The following SIPA1L3 variants were observed in gnomAD, a reference collection of about 807,000 sequenced individuals.
SIPA1L3 encodes the protein signal-induced proliferation-associated 1-like protein 3.
A neutral mutation model predicts 150.1 loss-of-function variants in SIPA1L3; 59 were observed. The ratio of observed to expected loss-of-function variants is 0.39; its 90% CI spans 0.32 to 0.49. SIPA1L3 has a LOEUF of 0.49. SIPA1L3 is among the 20% of genes least tolerant of loss of function. The pLI is 0.86. For synonymous variants in SIPA1L3, 1,070 were observed against 1,077.6 expected (o/e 0.99, Z 0.14); for missense variants, 2,211 against 2,489.5 (o/e 0.89, Z 2.38).
At position 38,081,955 on chromosome 19, in the gene SIPA1L3, G is replaced by A. The variant is rs988548393; in HGVS notation, c.390G>A (p.Pro130=). 1.1e-5 allele frequency: 17 copies of A among 1,614,070 alleles called. No individual in the cohort carries two copies. Among genetic ancestry groups the A allele is most frequent in the Non-Finnish European group, 1.4e-5 (16 of 1,179,948 alleles). ...ACGGACAGCCCCCCACCAGCACCCC[G>A]GCTTCCTCAGGGTCCAAAGCCTTCC... is the stretch of plus-strand genomic sequence containing the variant. ...IQNGQPPTST[P]ASSGSKAFHR... is the part of the protein sequence containing the mutation. The change falls in exon 3 of 22, where the codon CCG becomes CCA. Residue 130 remains proline (P), a synonymous_variant. Coordinates refer to ENST00000222345, the MANE Select transcript of SIPA1L3 (RefSeq NM_015073.3).
Position 38,004,730 on chromosome 19 carries a change from C to T in SIPA1L3, c.-378-24359C>T, listed in dbSNP as rs149829237. 2.2e-3 allele frequency among the ~76,000 whole-genome samples: 341 copies of T among 152,290 alleles called. 1 individual carries two copies. The highest frequency in any genetic ancestry group is 8.5e-3 in the South Asian group (41 of 4,828). ...AATAAGAGGGGTGAGCTCACACTAGCAGGCTGGTTGCAAAACCTGCCATAG... is the reference window on the plus strand; with the variant it reads ...AATAAGAGGGGTGAGCTCACACTAGTAGGCTGGTTGCAAAACCTGCCATAG... On this transcript the variant is annotated intron_variant, in intron 1 of 21. Transcript: ENST00000222345.
At chr19:37,979,386 T>G (rs1465480320) in intron 1 of SIPA1L3, among the ~76,000 whole-genome samples, 1 of 139,704 alleles carries the variant, frequency 7.2e-6, no homozygotes, top group Non-Finnish European at 1.6e-5. Context: ...CTATCTCTAC[T>G]AAAAAAAAAA....
intron 1 of SIPA1L3, among the ~76,000 whole-genome samples, chr19:38,023,623 G>A (rs77359770): frequency 0.016 from 2,484 of 152,298 alleles, 59 homozygotes; most frequent in African/African-American, 0.053. Flanking sequence ...CACTTTATTA[G>A]TAGTTGAGTA....
intron 2 of SIPA1L3, among the ~76,000 whole-genome samples, chr19:38,053,190 A>G (rs1969237310): frequency 6.6e-6 from 1 of 152,222 alleles, no homozygotes; most frequent in Non-Finnish European, 1.5e-5. Flanking sequence ...CAAACAGGGA[A>G]GCTCAACACC....
chr19:38,202,170 T>G (rs1568609702), intron 20 of SIPA1L3, among the ~76,000 whole-genome samples, 173 bp downstream of exon 20: 2 of 152,230 alleles, frequency 1.3e-5, no homozygotes, highest in African/African-American at 2.4e-5. Flanking sequence ...ACACTGCACC[T>G]GTCTGTGCAC....
At chr19:38,053,265 G>A (rs1969239204) in intron 2 of SIPA1L3, among the ~76,000 whole-genome samples, 1 of 152,248 alleles carries the variant, frequency 6.6e-6, no homozygotes, top group South Asian at 2.1e-4. Flanking sequence ...CAGAAGCGAC[G>A]TGATTGCTAA....
chr19:37,908,645 T>C (rs62112276), intron 1 of SIPA1L3, among the ~76,000 whole-genome samples: 144 of 152,242 alleles, frequency 9.5e-4, no homozygotes, highest in Non-Finnish European at 1.7e-3. Context: ...CCTTTTTGCT[T>C]CTGTTTGTAC....
At chr19:38,201,154 G>A (rs899984052) in intron 19 of SIPA1L3, among the ~76,000 whole-genome samples, 2 of 152,196 alleles carry the variant, frequency 1.3e-5, no homozygotes, top group African/African-American at 4.8e-5. Context: ...CACCTCCGAG[G>A]ATTCCATTGT....
intron 15 of SIPA1L3, among the ~76,000 whole-genome samples, chr19:38,180,524 CTTT>C (rs1600178431): frequency 7.7e-6 from 1 of 129,102 alleles, no homozygotes; most frequent in East Asian, 2.3e-4. Flanking sequence ...TAGCATTTTT[CTTT>C]TTTTCTTTTC....
intron 1 of SIPA1L3, among the ~76,000 whole-genome samples, chr19:37,911,308 A>G (rs1484912877): frequency 6.6e-6 from 1 of 151,744 alleles, no homozygotes. Flanking sequence ...CCATTCCCCA[A>G]AAAAGGAGGG....
chr19:38,112,295 T>C (rs564517779), intron 8 of SIPA1L3, among the ~76,000 whole-genome samples: 1 of 150,736 alleles, frequency 6.6e-6, no homozygotes, highest in Non-Finnish European at 1.5e-5. Context: ...TATGCACACA[T>C]ACATGCACAC....
At chr19:37,975,510 A>G (rs1391430452) in intron 1 of SIPA1L3, among the ~76,000 whole-genome samples, 1 of 152,152 alleles carries the variant, frequency 6.6e-6, no homozygotes, top group Non-Finnish European at 1.5e-5. Flanking sequence ...CCCCATCTGT[A>G]AGATGGGAGT....
intron 2 of SIPA1L3, among the ~76,000 whole-genome samples, chr19:38,065,299 TAGAG>T (rs1969547013): frequency 6.6e-6 from 1 of 151,976 alleles, no homozygotes; most frequent in African/African-American, 2.4e-5. Context: ...GGCCCTCAAG[TAGAG>T]AGCTCTAACT....
At chr19:37,963,873 A>G (rs897097375) in intron 1 of SIPA1L3, 7 of 152,202 alleles carry the variant, frequency 4.6e-5, no homozygotes, top group Non-Finnish European at 7.3e-5. Context: ...AACTTTAAAT[A>G]TGTAGCTCTA....
intron 15 of SIPA1L3, among the ~76,000 whole-genome samples, chr19:38,175,937 G>C (rs529760862): frequency 6.6e-6 from 1 of 152,174 alleles, no homozygotes. Context: ...GCTGGGCGCT[G>C]TGGCTCACGC....
chr19:38,066,469 T>TGG (rs1218375939), intron 2 of SIPA1L3, among the ~76,000 whole-genome samples: 1 of 152,218 alleles, frequency 6.6e-6, no homozygotes, highest in Non-Finnish European at 1.5e-5. Context: ...GTACCTTTCT[T>TGG]GACGTAGACT....
At chr19:38,057,041 G>A (rs971566322) in intron 2 of SIPA1L3, among the ~76,000 whole-genome samples, 21 of 152,078 alleles carry the variant, frequency 1.4e-4, no homozygotes, top group African/African-American at 4.3e-4. Context: ...GGAAGCCGAG[G>A]TGGTGGATCA....
intron 1 of SIPA1L3, among the ~76,000 whole-genome samples, chr19:37,999,206 G>A (rs1031905896): frequency 4.6e-5 from 7 of 152,228 alleles, no homozygotes; most frequent in Non-Finnish European, 8.8e-5. Context: ...TCAGGCCAAA[G>A]CATCAATTTC....
chr19:37,928,958 T>C lies in SIPA1L3; in HGVS notation c.-379+21600T>C, dbSNP rs565715298. ...CTCCTGTGTCCCTAGGCTCCCTGCATGGCCACAAGATGACTGCCAAGGCTC... is the reference window on the plus strand; with the variant it reads ...CTCCTGTGTCCCTAGGCTCCCTGCACGGCCACAAGATGACTGCCAAGGCTC... On this transcript the variant is annotated intron_variant, in intron 1 of 21. Transcript: ENST00000222345. Among the ~76,000 whole-genome samples, 5 of 152,306 alleles carry C rather than the reference T, an allele frequency of 3.3e-5. No homozygotes were observed. The South Asian group carries it at 1.0e-3, about 32-fold the overall frequency.
Sources: gnomAD v4.1 joint callset for allele counts (sites outside exome capture counted in the v4.1 genomes callset) on GRCh38, gnomAD v4.1.1 for gene constraint, MANE v1.5 for transcripts, NCBI Gene and HGNC (gene_info 2026-07-23, HGNC 2026-07-21) for gene names.